Variants in RALGAPA1 observed in about 807,000 individuals in gnomAD.
RALGAPA1 encodes the protein Ral GTPase activating protein catalytic subunit alpha 1, also known as ral GTPase-activating protein subunit alpha-1.
A neutral mutation model predicts 269.6 loss-of-function variants in RALGAPA1; 52 were observed. The ratio of observed to expected loss-of-function variants is 0.19; its 90% confidence interval spans 0.15 to 0.24. The LOEUF is 0.24. Among genes scored for constraint, RALGAPA1 ranks in the 10% least tolerant of loss-of-function variants. The pLI is 1.00. For synonymous variants in RALGAPA1, 817 were observed against 1,008.3 expected (o/e 0.81, Z 3.60); for missense variants, 1,917 against 3,013.9 (o/e 0.64, Z 8.52).
At chr14:35,752,242 T>C in intron 7 of RALGAPA1, 80 bp from the exon 8 acceptor site, 1 of 1,358,162 alleles carries the variant, frequency 7.4e-7, no homozygotes, top group South Asian at 1.6e-5. Flanking sequence ...ATAAACAAGC[T>C]TGTAAAAGGT....
chr14:35,600,601 C>A (rs999982692), intron 36 of RALGAPA1, among the ~76,000 whole-genome samples: 4 of 152,112 alleles, frequency 2.6e-5, no homozygotes, highest in Non-Finnish European at 5.9e-5. Flanking sequence ...TCTTCTGTAC[C>A]CCCATTCCCA....
chr14:35,714,093 TAA>T (rs1269103441), intron 16 of RALGAPA1, among the ~76,000 whole-genome samples: 19 of 130,070 alleles, frequency 1.5e-4, no homozygotes, highest in East Asian at 2.2e-4. Flanking sequence ...AGACTCCGTC[TAA>T]AAAAAAAAAA....
intron 37 of RALGAPA1, among the ~76,000 whole-genome samples, chr14:35,584,864 C>A (rs1297426812): frequency 6.6e-6 from 1 of 151,988 alleles, no homozygotes; most frequent in Non-Finnish European, 1.5e-5. Flanking sequence ...TATTAATAAT[C>A]ACTTTAAGAA....
Position 35,689,486 on chromosome 14 carries a change from A to G in RALGAPA1, c.2925T>C (p.Gly975=). Residue 975 remains glycine (G), a synonymous_variant, in exon 18 of 42, where the codon GGT becomes GGC. Transcript: ENST00000680220. ...SQEVTIAVNR[G]ERLSLDKLEC... ...CTAATTTATCTAAGGATAATCTTTC[A>G]CCCCTATTTACTGCAATAGTCACTT... 8.1e-7 allele frequency: 1 copy of G among 1,234,842 alleles called. No individual in the cohort carries two copies. Among genetic ancestry groups the G allele is most frequent in the Non-Finnish European group, 1.0e-6 (1 of 990,080 alleles). The allele number at this position is 1,234,842 out of a possible 1,614,324, so 76.5% of individuals were successfully genotyped here.
At chr14:35,584,163 A>G (rs1206864839) in intron 37 of RALGAPA1, among the ~76,000 whole-genome samples, 3 of 152,188 alleles carry the variant, frequency 2.0e-5, no homozygotes, top group African/African-American at 7.2e-5. Flanking sequence ...ATAGGTTTAT[A>G]TATACCTAAA....
At chr14:35,784,299 G>T (rs370611432) in intron 1 of RALGAPA1, among the ~76,000 whole-genome samples, 3 of 152,162 alleles carry the variant, frequency 2.0e-5, no homozygotes, top group African/African-American at 7.2e-5. Flanking sequence ...TAAAAAGCAC[G>T]AAATAGTATT....
chr14:35,648,199 A>AG (rs2062579778), intron 31 of RALGAPA1, among the ~76,000 whole-genome samples: 1 of 151,988 alleles, frequency 6.6e-6, no homozygotes, highest in Admixed American at 6.6e-5. Flanking sequence ...TGGGAGGCTG[A>AG]GGCAGAAGAA....
At chr14:35,748,082 T>C (rs928693881) in intron 10 of RALGAPA1, among the ~76,000 whole-genome samples, 6 of 152,074 alleles carry the variant, frequency 3.9e-5, no homozygotes, top group African/African-American at 1.4e-4. Context: ...ATTAATCAAA[T>C]GATAGAAGAG....
Position 35,748,730 on chromosome 14 carries a change from T to C in RALGAPA1, c.1106A>G (p.Asn369Ser). 6.2e-7 allele frequency: 1 copy of C among 1,613,470 alleles called. No individual in the cohort carries two copies. Residue 369 changes from asparagine to serine, a missense_variant, in exon 10 of 42, where the codon AAT (asparagine) becomes AGT (serine). This residue lies in a region of RALGAPA1 where 462 missense variants were observed against 725.6 expected (regional missense o/e 0.64). Coordinates refer to ENST00000680220, the MANE Select transcript of RALGAPA1 (RefSeq NM_001346249.2). ...RTTEPEQSHS[N>S]TSTLTEREPS... ...TTCTCGCTCCGTGAGAGTGCTTGTA[T>C]TGGAATGAGACTGTTCGGGTTCTGT...
intron 31 of RALGAPA1, among the ~76,000 whole-genome samples, chr14:35,644,648 A>G (rs1191543577): frequency 6.6e-6 from 1 of 152,266 alleles, no homozygotes; most frequent in Non-Finnish European, 1.5e-5. Flanking sequence ...TAAATAATCA[A>G]TATGGAAACC....
intron 7 of RALGAPA1, 43 bp downstream of exon 7, chr14:35,756,750 A>T: frequency 3.0e-6 from 4 of 1,321,232 alleles, no homozygotes; most frequent in Non-Finnish European, 4.3e-6. Context: ...AATCACCCAC[A>T]TAGGATAGTA....
chr14:35,797,633 G>T (rs1567253205), intron 1 of RALGAPA1, among the ~76,000 whole-genome samples: 1 of 151,718 alleles, frequency 6.6e-6, no homozygotes, highest in Non-Finnish European at 1.5e-5. Flanking sequence ...ATCACCTGAG[G>T]TCTGGAGTTC....
intron 1 of RALGAPA1, among the ~76,000 whole-genome samples, chr14:35,793,136 A>T (rs2076309027): frequency 6.6e-6 from 1 of 152,130 alleles, no homozygotes; most frequent in South Asian, 2.1e-4. Context: ...ATTGTTAAAG[A>T]TGAAAGTTTC....
Position 35,609,245 on chromosome 14 carries a change from A to T in RALGAPA1, c.6930-3536T>A, listed in dbSNP as rs564581910. ...CCGTCTCAAAAAAAAAAAACCAAAA[A>T]ACAAAAAAAAACAAGTCTTGATAAA... On this transcript the variant is annotated intron_variant, in intron 35 of 41. Coordinates refer to ENST00000680220, the MANE Select transcript of RALGAPA1 (RefSeq NM_001346249.2). Among the ~76,000 whole-genome samples, 12 of 152,022 alleles carry T rather than the reference A, an allele frequency of 7.9e-5. No individual in the cohort carries two copies. The East Asian group carries it at 2.3e-3, about 29-fold the overall frequency.
chr14:35,672,971 G>T lies in RALGAPA1; in HGVS notation c.4969C>A (p.Leu1657Ile). Reference sequence around the variant, plus strand: ...CTTCTTTTCATTGTATTACAAATAAGTTTATATGCATGTAATTTACCTTGT... The same window carrying T: ...CTTCTTTTCATTGTATTACAAATAATTTTATATGCATGTAATTTACCTTGT... ...YKQGKLHAYK[L>I]ICNTMKRRQD... The change falls in exon 25 of 42, where the codon CTT becomes ATT. Residue 1657 changes from leucine (L) to isoleucine (I), a missense_variant. Around this residue, in one of 11 missense-constraint regions of RALGAPA1, gnomAD observed 73 missense variants for 190.6 expected, o/e 0.38. Coordinates refer to ENST00000680220, the MANE Select transcript of RALGAPA1 (RefSeq NM_001346249.2). 1 of 1,562,618 alleles carries T rather than the reference G, an allele frequency of 6.4e-7. No homozygotes were observed. The highest frequency in any genetic ancestry group is 2.3e-5 in the East Asian group (1 of 43,460).
rs193142180 is a variant in RALGAPA1, at chr14:35,756,116, T to C, written c.663+677A>G. Among the ~76,000 whole-genome samples the C allele has an allele frequency of 1.1e-4, 16 of 152,342 alleles. No individual in the cohort carries two copies. In the East Asian group the frequency reaches 2.9e-3, roughly 28 times the overall value. On this transcript the variant is annotated intron_variant, in intron 7 of 41. Coordinates refer to ENST00000680220, the MANE Select transcript of RALGAPA1 (RefSeq NM_001346249.2). ...ATCAAACAATTTTCAGCTTTTCATTTGAAGTATCACAACTGCTGATCACAA... is the reference window on the plus strand; with the variant it reads ...ATCAAACAATTTTCAGCTTTTCATTCGAAGTATCACAACTGCTGATCACAA...
intron 30 of RALGAPA1, among the ~76,000 whole-genome samples, chr14:35,652,289 T>C (rs1304581098): frequency 6.6e-6 from 1 of 152,028 alleles, no homozygotes; most frequent in Admixed American, 6.6e-5. Context: ...AGAGACCCTG[T>C]CTCAAAACAA....
At chr14:35,605,921 T>G (rs1044801055) in intron 35 of RALGAPA1, among the ~76,000 whole-genome samples, 6 of 152,162 alleles carry the variant, frequency 3.9e-5, no homozygotes, top group African/African-American at 1.4e-4. Context: ...CACTTTTGAC[T>G]GCAAAAACAG....
chr14:35,803,806 T>C (rs72642587), intron 1 of RALGAPA1, among the ~76,000 whole-genome samples: 5,381 of 151,908 alleles, frequency 0.035, 233 homozygotes, highest in East Asian at 0.24. Context: ...TTATTTTTAG[T>C]AGAGATGGGG....
Sources: allele counts gnomAD v4.1 joint callset (sites outside exome capture counted in the v4.1 genomes callset), GRCh38; gene constraint gnomAD v4.1.1; regional missense constraint gnomAD v4.1.1; transcripts MANE v1.5; gene names NCBI Gene and HGNC (gene_info 2026-07-23, HGNC 2026-07-21).